Variants in GRIN2A observed in about 807,000 individuals in gnomAD.
GRIN2A encodes glutamate receptor ionotropic, NMDA 2A.
In GRIN2A, 22 loss-of-function variants were observed where a neutral mutation model predicts 113.4. The ratio of observed to expected loss-of-function variants is 0.19; its 90% CI spans 0.14 to 0.28. The LOEUF is 0.28. Among genes scored for constraint, GRIN2A ranks in the 10% least tolerant of loss-of-function variants. GRIN2A has a pLI of 1.00. For synonymous variants in GRIN2A, 827 were observed against 738.4 expected (o/e 1.12, Z -1.94); for missense variants, 1,502 against 1,887.0 (o/e 0.80, Z 3.78).
chr16:9,971,007 G>C (rs140856586), intron 2 of GRIN2A, among the ~76,000 whole-genome samples: 1 of 150,562 alleles, frequency 6.6e-6, no homozygotes, highest in South Asian at 2.1e-4. Context: ...AGGCAAGACT[G>C]GGGGGAAGGG....
chr16:9,887,043 T>A (rs937668650), intron 4 of GRIN2A, among the ~76,000 whole-genome samples: 2 of 152,092 alleles, frequency 1.3e-5, no homozygotes, highest in African/African-American at 4.8e-5. Flanking sequence ...ACCACCACCA[T>A]GCCGGGCTAA....
intron 4 of GRIN2A, among the ~76,000 whole-genome samples, chr16:9,871,986 TTC>T (rs1048410906): frequency 2.6e-5 from 4 of 152,184 alleles, no homozygotes; most frequent in African/African-American, 7.2e-5. Context: ...AATTAACTTG[TTC>T]TCTGTTCCTT....
intron 1 of GRIN2A, chr16:10,181,534 T>G (rs2050272342): frequency 6.6e-6 from 1 of 152,328 alleles, no homozygotes; most frequent in Non-Finnish European, 1.5e-5. Context: ...AGTCCTCACA[T>G]GTCCTCAGGT....
chr16:10,001,400 G>A (rs1314112923), intron 2 of GRIN2A, among the ~76,000 whole-genome samples: 1 of 152,192 alleles, frequency 6.6e-6, no homozygotes, highest in African/African-American at 2.4e-5. Context: ...ATAAGCTTCT[G>A]TGACTGGAAT....
At chr16:9,914,100 A>G (rs1478431985) in intron 3 of GRIN2A, among the ~76,000 whole-genome samples, 1 of 152,090 alleles carries the variant, frequency 6.6e-6, no homozygotes, top group Non-Finnish European at 1.5e-5. Context: ...CTTGGTTAAA[A>G]AAAAAAAAAA....
intron 2 of GRIN2A, among the ~76,000 whole-genome samples, chr16:10,146,973 G>A (rs959866222): frequency 6.6e-6 from 1 of 152,106 alleles, no homozygotes; most frequent in African/African-American, 2.4e-5. Context: ...CTGAATCTCA[G>A]CAAAGATCAG....
chr16:9,887,759 A>G (rs900294324), intron 4 of GRIN2A, among the ~76,000 whole-genome samples: 3 of 152,222 alleles, frequency 2.0e-5, no homozygotes, highest in African/African-American at 7.2e-5. Flanking sequence ...CAAACAAAAA[A>G]AACACACACA....
At chr16:9,914,240 A>T (rs1335438537) in intron 3 of GRIN2A, among the ~76,000 whole-genome samples, 1 of 152,220 alleles carries the variant, frequency 6.6e-6, no homozygotes, top group African/African-American at 2.4e-5. Context: ...GGACAAAAAC[A>T]CCTAGGAAGA....
At chr16:9,808,770 G>C (rs1007478699) in intron 10 of GRIN2A, among the ~76,000 whole-genome samples, 9 of 152,084 alleles carry the variant, frequency 5.9e-5, no homozygotes, top group African/African-American at 2.2e-4. Flanking sequence ...ACGTAAGTTT[G>C]AAGGCTTCAA....
At chr16:10,165,693 AGGGGAGAAAGGAG>A (rs2049903922) in intron 2 of GRIN2A, among the ~76,000 whole-genome samples, 1 of 8,264 alleles carries the variant, frequency 1.2e-4, no homozygotes, top group Non-Finnish European at 3.3e-4. Context: ...AGGGGAGGGG[AGGGGAGAAAGGAG>A]GGGAGGGGAG....
intron 4 of GRIN2A, among the ~76,000 whole-genome samples, chr16:9,855,656 G>A (rs1378033457): frequency 6.6e-6 from 1 of 152,162 alleles, no homozygotes; most frequent in Non-Finnish European, 1.5e-5. Context: ...TGAGCTCAGG[G>A]TAATGAGTAC....
chr16:10,132,823 A>G (rs903361543), intron 2 of GRIN2A, among the ~76,000 whole-genome samples: 2 of 152,242 alleles, frequency 1.3e-5, no homozygotes, highest in African/African-American at 4.8e-5. Flanking sequence ...AAATTGCCAT[A>G]AAGTTAGTGG....
intron 7 of GRIN2A, among the ~76,000 whole-genome samples, chr16:9,840,385 AG>A: frequency 6.6e-6 from 1 of 152,252 alleles, no homozygotes; most frequent in Non-Finnish European, 1.5e-5. Context: ...CAAGAACAGA[AG>A]GGGAGAAACC....
intron 3 of GRIN2A, among the ~76,000 whole-genome samples, chr16:9,916,182 G>T (rs1344412794): frequency 1.3e-5 from 2 of 152,264 alleles, no homozygotes; most frequent in East Asian, 3.9e-4. Flanking sequence ...GAGGATTCAA[G>T]ATTTTGTATA....
chr16:10,036,437 CTTTTTTTTTTTCTTTT>C (rs1241588435), intron 2 of GRIN2A, among the ~76,000 whole-genome samples: 1 of 92,672 alleles, frequency 1.1e-5, no homozygotes, highest in Non-Finnish European at 2.3e-5. Flanking sequence ...TTAGTACTTA[CTTTTTTTTTTTCTTTT>C]TTTTTTTTTT....
intron 2 of GRIN2A, among the ~76,000 whole-genome samples, chr16:10,159,389 G>A (rs2049767180): frequency 6.6e-6 from 1 of 152,192 alleles, no homozygotes; most frequent in Admixed American, 6.5e-5. Context: ...AACAGGTCAG[G>A]AACCCAGGGC....
chr16:10,152,925 G>A (rs1028142738), intron 2 of GRIN2A, among the ~76,000 whole-genome samples: 4 of 152,218 alleles, frequency 2.6e-5, no homozygotes, highest in Non-Finnish European at 5.9e-5. Flanking sequence ...TGGTTGCCAG[G>A]AGGTAGGGGC....
chr16:10,071,723 G>A (rs570807669), intron 2 of GRIN2A, among the ~76,000 whole-genome samples: 2 of 152,300 alleles, frequency 1.3e-5, no homozygotes, highest in South Asian at 2.1e-4. Flanking sequence ...CCTGGCTGCT[G>A]CTTCTATCAC....
intron 2 of GRIN2A, among the ~76,000 whole-genome samples, chr16:10,048,852 G>A (rs1284148524): frequency 6.6e-6 from 1 of 152,100 alleles, no homozygotes; most frequent in African/African-American, 2.4e-5. Flanking sequence ...TGTTCCTAAT[G>A]CTATTCTACA....
Sources: gnomAD v4.1 joint callset for allele counts (sites outside exome capture counted in the v4.1 genomes callset) on GRCh38, gnomAD v4.1.1 for gene constraint, MANE v1.5 for transcripts, NCBI Gene and HGNC (gene_info 2026-07-23, HGNC 2026-07-21) for gene names.